KRABD5: variants seen among roughly 807,000 people sequenced by gnomAD.
KRABD5 encodes the protein KRAB domain-containing protein 5.
chr16:31,727,197 G>T, the KRABD5 span, among the ~76,000 whole-genome samples: 2 of 152,148 alleles, frequency 1.3e-5, no homozygotes, highest in African/African-American at 4.8e-5. Flanking sequence ...AGGGTTTTCT[G>T]TATATAAAAT....
chr16:31,731,822 C>T, the KRABD5 span, among the ~76,000 whole-genome samples: 4 of 152,202 alleles, frequency 2.6e-5, no homozygotes, highest in Admixed American at 1.3e-4. Flanking sequence ...AGTTTCAGTG[C>T]CACTTCAGGA....
the KRABD5 span, among the ~76,000 whole-genome samples, chr16:31,751,454 A>ATACTTGAT: frequency 6.6e-6 from 1 of 152,194 alleles, no homozygotes; most frequent in East Asian, 1.9e-4. Context: ...CTGATTCAGT[A>ATACTTGAT]TCAGAACTTG....
the KRABD5 span, among the ~76,000 whole-genome samples, chr16:31,748,358 T>C: frequency 1.3e-5 from 2 of 152,224 alleles, no homozygotes; most frequent in Non-Finnish European, 2.9e-5. Flanking sequence ...ATATCTCTGT[T>C]TGGTACCAGA....
chr16:31,758,636 TG>T, the KRABD5 span: 1 of 151,820 alleles, frequency 6.6e-6, no homozygotes. Context: ...TAGTCGGGCA[TG>T]GTGGTGGGTA....
chr16:31,726,771 A>G, the KRABD5 span, among the ~76,000 whole-genome samples: 1 of 152,126 alleles, frequency 6.6e-6, no homozygotes, highest in Admixed American at 6.5e-5. Context: ...AAATATATAT[A>G]AAATAAAATA....
the KRABD5 span, among the ~76,000 whole-genome samples, chr16:31,729,974 A>G: frequency 6.6e-6 from 1 of 152,052 alleles, no homozygotes; most frequent in African/African-American, 2.4e-5. Context: ...TATATTTTGT[A>G]TTCATTAACA....
chr16:31,732,430 A>T, the KRABD5 span, among the ~76,000 whole-genome samples: 1 of 152,238 alleles, frequency 6.6e-6, no homozygotes, highest in Non-Finnish European at 1.5e-5. Flanking sequence ...TACGCATTGT[A>T]TAAGATGTAA....
chr16:31,752,085 G>T, the KRABD5 span, among the ~76,000 whole-genome samples: 1 of 152,056 alleles, frequency 6.6e-6, no homozygotes, highest in Non-Finnish European at 1.5e-5. Context: ...TCTTGGTATT[G>T]TTTTCTGTTT....
At chr16:31,714,363 T>G in the KRABD5 span, 1 of 456,300 alleles carries the variant, frequency 2.2e-6, no homozygotes, top group Admixed American at 2.3e-5. Flanking sequence ...CTGAAACCTG[T>G]TAGGTCACTG....
At chr16:31,718,332 A>G in the KRABD5 span, among the ~76,000 whole-genome samples, 2 of 152,182 alleles carry the variant, frequency 1.3e-5, no homozygotes, top group Admixed American at 1.3e-4. Flanking sequence ...TCCACCTGGG[A>G]TCCACAAGAC....
chr16:31,752,513 T>A, the KRABD5 span, among the ~76,000 whole-genome samples: 1 of 152,210 alleles, frequency 6.6e-6, no homozygotes, highest in Non-Finnish European at 1.5e-5. Context: ...GAACCCTTTA[T>A]CATTATGGAA....
At chr16:31,717,451 T>C in the KRABD5 span, among the ~76,000 whole-genome samples, 10 of 152,210 alleles carry the variant, frequency 6.6e-5, no homozygotes, top group African/African-American at 2.4e-4. Flanking sequence ...TGTACCTACC[T>C]GTCTTGAAGA....
chr16:31,729,477 A>G, the KRABD5 span, among the ~76,000 whole-genome samples: 1 of 152,110 alleles, frequency 6.6e-6, no homozygotes, highest in African/African-American at 2.4e-5. Flanking sequence ...TAATTAACCC[A>G]CTGCTGTGAT....
At chr16:31,753,888 T>C in the KRABD5 span, 1 of 1,550,794 alleles carries the variant, frequency 6.4e-7, no homozygotes, top group Admixed American at 2.0e-5. Context: ...AAGGAAAGAG[T>C]GGGAAAGTGA....
chr16:31,750,180 A>G, the KRABD5 span, among the ~76,000 whole-genome samples: 1 of 152,110 alleles, frequency 6.6e-6, no homozygotes, highest in African/African-American at 2.4e-5. Context: ...ATGTTTTTCC[A>G]GTTGTTTGTG....
chr16:31,756,814 T>C, the KRABD5 span: 1 of 152,134 alleles, frequency 6.6e-6, no homozygotes, highest in Non-Finnish European at 1.5e-5. Context: ...AATATACAGA[T>C]GTACTAAGAT....
At chr16:31,720,226 A>G in the KRABD5 span, among the ~76,000 whole-genome samples, 1 of 152,210 alleles carries the variant, frequency 6.6e-6, no homozygotes, top group African/African-American at 2.4e-5. Context: ...TAGACTTTAA[A>G]TGGCTGGCAA....
chr16:31,741,227 G>A, the KRABD5 span, among the ~76,000 whole-genome samples: 1 of 152,110 alleles, frequency 6.6e-6, no homozygotes, highest in Non-Finnish European at 1.5e-5. Flanking sequence ...GGGCATCTAG[G>A]CTGATTCCAT....
At chr16:31,747,134 T>TC in the KRABD5 span, among the ~76,000 whole-genome samples, 1 of 131,610 alleles carries the variant, frequency 7.6e-6, no homozygotes, top group African/African-American at 2.8e-5. Context: ...ATGCTATCCC[T>TC]ACCCCCTCCC....
Sources: allele counts gnomAD v4.1 joint callset (sites outside exome capture counted in the v4.1 genomes callset), GRCh38; gene constraint gnomAD v4.1.1; transcripts MANE v1.5; gene names NCBI Gene and HGNC (gene_info 2026-07-23, HGNC 2026-07-21).